SHROOM3: variants seen among roughly 807,000 people sequenced by gnomAD.
SHROOM3 encodes protein Shroom3.
In SHROOM3, 47 loss-of-function variants were observed where a neutral mutation model predicts 138.6. That is an observed-to-expected ratio of 0.34 (90% CI 0.27 to 0.43). The LOEUF (loss-of-function observed/expected upper bound fraction) is 0.43, where lower values mean the gene tolerates loss of function less well. Ranked by LOEUF, SHROOM3 falls within the 20% of genes least tolerant of loss-of-function variation. SHROOM3 has a pLI of 1.00. For synonymous variants in SHROOM3, 1,062 were observed against 1,063.3 expected, an observed-to-expected ratio of 1.00 and a Z score of 0.02; for missense variants, 2,491 against 2,596.5, an observed-to-expected ratio of 0.96 and a Z score of 0.88.
chr4:76,629,708 G>A (rs1249049737), intron 2 of SHROOM3, among the ~76,000 whole-genome samples: 1 of 152,210 alleles, frequency 6.6e-6, no homozygotes. Flanking sequence ...AATGTGGGGT[G>A]AGAGAAAGAG....
intron 2 of SHROOM3, among the ~76,000 whole-genome samples, chr4:76,565,011 A>G (rs1733691087): frequency 6.6e-6 from 1 of 151,888 alleles, no homozygotes; most frequent in African/African-American, 2.4e-5. Flanking sequence ...GATACAAAAA[A>G]TTAGCCGGGT....
intron 1 of SHROOM3, among the ~76,000 whole-genome samples, chr4:76,487,334 C>A (rs1387566470): frequency 1.3e-5 from 2 of 152,102 alleles, no homozygotes; most frequent in African/African-American, 4.8e-5. Context: ...TTTTATTTAT[C>A]CATTCTTTAG....
chr4:76,483,332 C>T (rs1429759700), intron 1 of SHROOM3, among the ~76,000 whole-genome samples: 5 of 152,028 alleles, frequency 3.3e-5, no homozygotes, highest in Non-Finnish European at 7.4e-5. Context: ...AAAAAGTGAG[C>T]GAAGCATATG....
intron 1 of SHROOM3, among the ~76,000 whole-genome samples, chr4:76,533,031 C>T (rs1308228468): frequency 1.3e-5 from 2 of 152,172 alleles, no homozygotes; most frequent in African/African-American, 4.8e-5. Context: ...TCCCTGGGCC[C>T]AGTGGAGTTG....
chr4:76,716,584 AT>A (rs1470371400), intron 3 of SHROOM3, among the ~76,000 whole-genome samples: 1 of 152,212 alleles, frequency 6.6e-6, no homozygotes, highest in Non-Finnish European at 1.5e-5. Flanking sequence ...GAATATTCTC[AT>A]TATTTGAATA....
intron 1 of SHROOM3, among the ~76,000 whole-genome samples, chr4:76,548,113 G>C (rs1249162462): frequency 6.6e-6 from 1 of 151,692 alleles, no homozygotes; most frequent in African/African-American, 2.4e-5. Flanking sequence ...AAAGTCAAAT[G>C]GTTCCCTGGG....
At chr4:76,486,460 GTTGGGAA>G (rs1731733626) in intron 1 of SHROOM3, among the ~76,000 whole-genome samples, 1 of 152,168 alleles carries the variant, frequency 6.6e-6, no homozygotes, top group South Asian at 2.1e-4. Flanking sequence ...GACAATACCT[GTTGGGAA>G]TAAACCCTGT....
At chr4:76,662,920 G>A (rs1194431811) in intron 2 of SHROOM3, among the ~76,000 whole-genome samples, 2 of 151,166 alleles carry the variant, frequency 1.3e-5, no homozygotes, top group East Asian at 2.0e-4. Flanking sequence ...AGAGGGAGAG[G>A]AAGGGAGAGG....
chr4:76,646,946 T>C (rs186844043), intron 2 of SHROOM3, among the ~76,000 whole-genome samples: 32 of 152,218 alleles, frequency 2.1e-4, no homozygotes, highest in Non-Finnish European at 3.8e-4. Flanking sequence ...AAGAAATCAG[T>C]ATATCAAAGG....
At chr4:76,628,028 C>T (rs1022331483) in intron 2 of SHROOM3, among the ~76,000 whole-genome samples, 9 of 152,136 alleles carry the variant, frequency 5.9e-5, no homozygotes, top group Non-Finnish European at 1.3e-4. Flanking sequence ...ACCATGTAGG[C>T]CTTTTGAAAA....
At chr4:76,608,158 A>G (rs1043915861) in intron 2 of SHROOM3, among the ~76,000 whole-genome samples, 5 of 152,184 alleles carry the variant, frequency 3.3e-5, no homozygotes, top group African/African-American at 1.2e-4. Flanking sequence ...TAGAGCTGCT[A>G]TTGAGGAAAT....
chr4:76,683,183 A>C (rs1319549132), intron 2 of SHROOM3, among the ~76,000 whole-genome samples: 1 of 152,198 alleles, frequency 6.6e-6, no homozygotes, highest in African/African-American at 2.4e-5. Context: ...GTTTTGCTGA[A>C]TAGTTTTTTT....
intron 2 of SHROOM3, among the ~76,000 whole-genome samples, chr4:76,678,255 T>C (rs1422119517): frequency 6.6e-6 from 1 of 152,018 alleles, no homozygotes; most frequent in Non-Finnish European, 1.5e-5. Flanking sequence ...GGTTTACAAG[T>C]AAAGATAAGG....
At chr4:76,642,996 A>AG (rs1735715036) in intron 2 of SHROOM3, among the ~76,000 whole-genome samples, 1 of 151,980 alleles carries the variant, frequency 6.6e-6, no homozygotes, top group Non-Finnish European at 1.5e-5. Context: ...CACCTGAGGT[A>AG]GGGAGTTCAA....
intron 1 of SHROOM3, among the ~76,000 whole-genome samples, chr4:76,545,146 C>A (rs1006311500): frequency 1.3e-5 from 2 of 151,500 alleles, no homozygotes; most frequent in Non-Finnish European, 2.9e-5. Context: ...TCTTTTCTAA[C>A]AGGAGGCAGG....
At chr4:76,618,734 A>G (rs1403870376) in intron 2 of SHROOM3, among the ~76,000 whole-genome samples, 2 of 152,232 alleles carry the variant, frequency 1.3e-5, no homozygotes, top group East Asian at 3.8e-4. Flanking sequence ...TGTCAACTCT[A>G]GTAATTTTAA....
chr4:76,467,039 A>T (rs1428595904), intron 1 of SHROOM3, among the ~76,000 whole-genome samples: 1 of 127,832 alleles, frequency 7.8e-6, no homozygotes, highest in Non-Finnish European at 1.7e-5. Flanking sequence ...CCCAGAACCC[A>T]GAAAAGTTTT....
chr4:76,572,150 T>A (rs568599217), intron 2 of SHROOM3, among the ~76,000 whole-genome samples: 1 of 152,320 alleles, frequency 6.6e-6, no homozygotes, highest in South Asian at 2.1e-4. Context: ...TAGGAGATGA[T>A]TTGCTAATCT....
chr4:76,715,187 A>G (rs1023493600), intron 3 of SHROOM3, among the ~76,000 whole-genome samples: 1 of 152,324 alleles, frequency 6.6e-6, no homozygotes, highest in Non-Finnish European at 1.5e-5. Flanking sequence ...TAACAGGTAT[A>G]TATATATTCA....
Sources: gnomAD v4.1 joint callset for allele counts (sites outside exome capture counted in the v4.1 genomes callset) on GRCh38, gnomAD v4.1.1 for gene constraint, MANE v1.5 for transcripts, NCBI Gene and HGNC (gene_info 2026-07-23, HGNC 2026-07-21) for gene names.